VPS13B: variants seen among roughly 807,000 people sequenced by gnomAD.
The protein encoded by VPS13B is vacuolar protein sorting 13 homolog B, also known as intermembrane lipid transfer protein VPS13B.
A neutral mutation model predicts 426.4 loss-of-function variants in VPS13B; 285 were observed. The observed-to-expected ratio is 0.67, with a 90% CI of 0.61 to 0.74. The LOEUF is 0.74. VPS13B is among the 30% of genes least tolerant of loss of function. The pLI is 0.00. For missense variants in VPS13B, 4,537 were observed against 4,782.6 expected (o/e 0.95, Z 1.51); for synonymous variants, 1,676 against 1,676.4 (o/e 1.00, Z 0.01).
At chr8:99,260,105 C>T (rs1257189390) in intron 17 of VPS13B, among the ~76,000 whole-genome samples, 1 of 152,002 alleles carries the variant, frequency 6.6e-6, no homozygotes, top group Admixed American at 6.6e-5. Context: ...ATGGATTAAA[C>T]AGCAGATTAG....
At chr8:99,451,030 G>A (rs1286452459) in intron 23 of VPS13B, among the ~76,000 whole-genome samples, 1 of 151,964 alleles carries the variant, frequency 6.6e-6, no homozygotes, top group African/African-American at 2.4e-5. Flanking sequence ...AAATTACTCA[G>A]GATTATCATT....
At chr8:99,323,494 A>G (rs1810091315) in intron 19 of VPS13B, among the ~76,000 whole-genome samples, 2 of 152,238 alleles carry the variant, frequency 1.3e-5, no homozygotes, top group Admixed American at 6.5e-5. Flanking sequence ...ATATATTGCA[A>G]TATGGCTTAT....
chr8:99,526,281 TATG>T (rs1822639230), intron 30 of VPS13B, among the ~76,000 whole-genome samples: 1 of 152,206 alleles, frequency 6.6e-6, no homozygotes, highest in Admixed American at 6.5e-5. Flanking sequence ...TAACTGAATA[TATG>T]ATATGAATTT....
chr8:99,217,650 C>T (rs574301748), intron 17 of VPS13B, among the ~76,000 whole-genome samples: 8 of 152,128 alleles, frequency 5.3e-5, no homozygotes, highest in African/African-American at 1.7e-4. Context: ...AAGAGCCGTG[C>T]GTATATGAAC....
intron 21 of VPS13B, among the ~76,000 whole-genome samples, chr8:99,424,838 AAGAG>A (rs1026825964): frequency 3.9e-5 from 6 of 152,206 alleles, no homozygotes; most frequent in African/African-American, 1.4e-4. Context: ...TGAAGAAGAA[AAGAG>A]AGAAGAATCA....
At chr8:99,172,735 T>A (rs1007813764) in intron 16 of VPS13B, among the ~76,000 whole-genome samples, 1 of 152,166 alleles carries the variant, frequency 6.6e-6, no homozygotes, top group African/African-American at 2.4e-5. Flanking sequence ...TAGTTAATAG[T>A]ATGTAGATAT....
Position 99,737,553 on chromosome 8 carries a change from C to G in VPS13B, c.7050+16506C>G, listed in dbSNP as rs555792694. Among the ~76,000 whole-genome samples, 17 of 152,202 alleles carry G rather than the reference C, an allele frequency of 1.1e-4. 1 individual carries two copies. The South Asian group carries it at 3.5e-3, about 32-fold the overall frequency. On this transcript the variant is annotated intron_variant, in intron 39 of 61. Transcript: ENST00000357162. ...ACTATGCATTTTTATTAGTTTTACT[C>G]TTATAAAATAGTTTTCTAATTTCTA... is the stretch of plus-strand genomic sequence containing the variant.
At chr8:99,497,547 G>A (rs775181446) in intron 25 of VPS13B, among the ~76,000 whole-genome samples, 39 of 151,774 alleles carry the variant, frequency 2.6e-4, no homozygotes, top group South Asian at 6.2e-4. Context: ...TATTATCAGC[G>A]TTGTTAAAAA....
chr8:99,452,167 T>G (rs1818230588), intron 23 of VPS13B, among the ~76,000 whole-genome samples: 1 of 152,126 alleles, frequency 6.6e-6, no homozygotes, highest in African/African-American at 2.4e-5. Flanking sequence ...CCTAGTAACC[T>G]TTCTGTGTTC....
intron 43 of VPS13B, among the ~76,000 whole-genome samples, chr8:99,800,411 G>A (rs1813063801): frequency 6.6e-6 from 1 of 152,028 alleles, no homozygotes; most frequent in African/African-American, 2.4e-5. Context: ...ATGTTGAAAT[G>A]ACCTATTTAA....
intron 24 of VPS13B, among the ~76,000 whole-genome samples, chr8:99,470,006 T>C (rs568262044): frequency 5.9e-5 from 9 of 152,280 alleles, no homozygotes; most frequent in African/African-American, 2.2e-4. Context: ...GTACTCAGAA[T>C]CTCAGAGGTT....
chr8:99,756,984 G>C (rs988559889), intron 39 of VPS13B, among the ~76,000 whole-genome samples: 1 of 152,092 alleles, frequency 6.6e-6, no homozygotes, highest in Non-Finnish European at 1.5e-5. Flanking sequence ...TTTATAACAT[G>C]GGAATAATAT....
chr8:99,365,516 CTTT>C (rs1554754985), intron 19 of VPS13B, among the ~76,000 whole-genome samples: 1 of 102,390 alleles, frequency 9.8e-6, no homozygotes. Context: ...TCTTCTTCTT[CTTT>C]TTTTTTTTTT....
At chr8:99,032,416 T>C (rs1842545413) in intron 2 of VPS13B, among the ~76,000 whole-genome samples, 1 of 152,176 alleles carries the variant, frequency 6.6e-6, no homozygotes. Context: ...TCATGTCTTT[T>C]TTGTTCCTCT....
chr8:99,444,249 C>A (rs1455923743), intron 23 of VPS13B, among the ~76,000 whole-genome samples: 2 of 152,042 alleles, frequency 1.3e-5, no homozygotes, highest in Non-Finnish European at 2.9e-5. Context: ...CAGGCACTTG[C>A]CACCACACCC....
At chr8:99,243,148 G>T (rs1451863808) in intron 17 of VPS13B, among the ~76,000 whole-genome samples, 2 of 152,172 alleles carry the variant, frequency 1.3e-5, no homozygotes, top group East Asian at 1.9e-4. Flanking sequence ...TGACCTGAGG[G>T]ATAAGATGTT....
intron 8 of VPS13B, chr8:99,121,800 C>A: frequency 5.2e-6 from 1 of 191,886 alleles, no homozygotes; most frequent in South Asian, 1.4e-4. Flanking sequence ...GGTACGGTTT[C>A]CTTTCTGTGC....
chr8:99,809,589 G>A, intron 44 of VPS13B, 59 bp downstream of exon 44: 1 of 1,600,274 alleles, frequency 6.2e-7, no homozygotes, highest in Non-Finnish European at 8.6e-7. Context: ...TAATGGAGAT[G>A]AAAATAATTA....
chr8:99,567,732 TATC>T (rs1161871201), intron 31 of VPS13B, among the ~76,000 whole-genome samples: 1 of 152,190 alleles, frequency 6.6e-6, no homozygotes, highest in Non-Finnish European at 1.5e-5. Context: ...TTATTATACT[TATC>T]ATACCTTATG....
Sources: allele counts gnomAD v4.1 joint callset (sites outside exome capture counted in the v4.1 genomes callset), GRCh38; gene constraint gnomAD v4.1.1; transcripts MANE v1.5; gene names NCBI Gene and HGNC (gene_info 2026-07-23, HGNC 2026-07-21).